Variants in MCCC1 observed in about 807,000 individuals in gnomAD.
MCCC1 encodes methylcrotonyl-CoA carboxylase subunit 1.
A neutral mutation model predicts 83.8 loss-of-function variants in MCCC1; 64 were observed. The ratio of observed to expected loss-of-function variants is 0.76; its 90% CI spans 0.62 to 0.94. The LOEUF (loss-of-function observed/expected upper bound fraction) is 0.94, where lower values mean the gene tolerates loss of function less well. Ranked by LOEUF, MCCC1 falls within the 40% of genes least tolerant of loss-of-function variation. MCCC1 has a pLI of 0.00. For synonymous variants in MCCC1, 322 were observed against 315.4 expected (o/e 1.02, Z -0.22); for missense variants, 807 against 904.7 (o/e 0.89, Z 1.39).
At position 183,017,479 on chromosome 3, in the gene MCCC1, T is replaced by G. The variant is rs1486110858; in HGVS notation, c.1978-142A>C. Reference sequence around the variant, plus strand: ...AACCATGAATATAAACAATAAAACATAAATAAAAAGAAAAAAAACAACACA... The same window carrying G: ...AACCATGAATATAAACAATAAAACAGAAATAAAAAGAAAAAAAACAACACA... On this transcript the variant is annotated intron_variant, in intron 17 of 18. Transcript: ENST00000265594. 4 of 781,454 alleles carry G rather than the reference T, an allele frequency of 5.1e-6. No homozygotes were observed. In the Admixed American group the frequency reaches 6.7e-5, roughly 13 times the overall value. The allele number at this position is 781,454 out of a possible 1,614,324, so 48.4% of individuals were successfully genotyped here. A position where few individuals can be genotyped will look rare whatever the true frequency, so the allele number is the denominator to read the frequency against.
chr3:183,050,093 C>T (rs933502573), intron 9 of MCCC1, among the ~76,000 whole-genome samples: 2 of 151,722 alleles, frequency 1.3e-5, no homozygotes, highest in African/African-American at 4.8e-5. Flanking sequence ...TGGCTCACGC[C>T]TGTAATCCCA....
intron 2 of MCCC1, among the ~76,000 whole-genome samples, chr3:183,094,205 C>A (rs1039045700): frequency 3.9e-5 from 6 of 151,920 alleles, no homozygotes; most frequent in East Asian, 3.9e-4. Context: ...CCCGCCACCA[C>A]GCCCAGCTAA....
intron 7 of MCCC1, among the ~76,000 whole-genome samples, chr3:183,057,800 A>C (rs1263984631): frequency 6.6e-6 from 1 of 152,198 alleles, no homozygotes; most frequent in Non-Finnish European, 1.5e-5. Context: ...TGAGCCCAGA[A>C]GGTTGTGGTT....
intron 7 of MCCC1, among the ~76,000 whole-genome samples, chr3:183,065,306 A>G (rs138884366): frequency 4.6e-5 from 7 of 152,134 alleles, no homozygotes; most frequent in Admixed American, 2.6e-4. Context: ...TCTTTTCACA[A>G]TGGTATACCG....
chr3:183,108,133 G>T (rs1212250697), intron 1 of MCCC1, among the ~76,000 whole-genome samples: 1 of 152,196 alleles, frequency 6.6e-6, no homozygotes, highest in Non-Finnish European at 1.5e-5. Context: ...GGAAGAAAAA[G>T]TGTGTTATGG....
chr3:183,016,238 T>C (rs1466356722), intron 18 of MCCC1: 3 of 150,660 alleles, frequency 2.0e-5, no homozygotes, highest in East Asian at 2.0e-4. Flanking sequence ...TGTTGTTTGT[T>C]TTTTTAAATT....
intron 11 of MCCC1, 101 bp from the exon 12 acceptor site, chr3:183,039,236 A>G (rs2108474326): frequency 9.3e-7 from 1 of 1,077,222 alleles, no homozygotes; most frequent in East Asian, 2.5e-5. Context: ...CTTAATCCTC[A>G]TAAACCCCTG....
chr3:183,074,422 T>A (rs113000467), intron 4 of MCCC1, among the ~76,000 whole-genome samples: 11 of 152,310 alleles, frequency 7.2e-5, no homozygotes, highest in African/African-American at 2.4e-4. Context: ...AGCCACACCC[T>A]CTCCAACATC....
intron 18 of MCCC1, 48 bp downstream of exon 18, chr3:183,017,218 T>A: frequency 6.6e-7 from 1 of 1,518,206 alleles, no homozygotes; most frequent in Non-Finnish European, 9.1e-7. Context: ...CCATTAGGTA[T>A]GATTGCTCCC....
chr3:183,044,931 T>C (rs1409437071), intron 10 of MCCC1, among the ~76,000 whole-genome samples: 1 of 152,048 alleles, frequency 6.6e-6, no homozygotes, highest in Non-Finnish European at 1.5e-5. Context: ...GTTGTCGTTG[T>C]TGTTGAATTA....
chr3:183,017,316 T>G lies in MCCC1; in HGVS notation c.1999A>C (p.Lys667Gln). 1 of 1,613,960 alleles carries G rather than the reference T, an allele frequency of 6.2e-7. No homozygotes were observed. Among genetic ancestry groups the G allele is most frequent in the African/African-American group, 1.3e-5 (1 of 75,066 alleles). Residue 667 changes from lysine (K) to glutamine (Q), a missense_variant, in exon 18 of 19, where the codon AAA (lysine) becomes CAA (glutamine). Lys to Gln is a moderately conservative substitution (Grantham distance 53). Transcript: ENST00000265594. ...IEKVFVKAGD[K>Q]VKAGDSLMVM... ...ATGAGGGAATCTCCCGCTTTCACTT[T>G]GTCTCCAGCTTTGACAAACACCTTG...
intron 4 of MCCC1, among the ~76,000 whole-genome samples, chr3:183,073,109 T>C (rs1716819242): frequency 6.6e-6 from 1 of 151,352 alleles, no homozygotes; most frequent in Non-Finnish European, 1.5e-5. Context: ...CTACACATTG[T>C]GAATACTGCT....
At chr3:183,099,563 T>C (rs1168988934), upstream of MCCC1, 5 of 1,177,104 alleles carry the variant, frequency 4.2e-6, no homozygotes, top group Middle Eastern at 1.9e-4. Context: ...AGCCTGAGCC[T>C]ACCTTTGGGC....
At chr3:183,101,041 G>A (rs1719232209), upstream of MCCC1, among the ~76,000 whole-genome samples, 1 of 152,262 alleles carries the variant, frequency 6.6e-6, no homozygotes, top group African/African-American at 2.4e-5. Context: ...TAGCACCCGG[G>A]CCAGTGGCTG....
chr3:183,016,606 T>A (rs543478725), intron 18 of MCCC1, among the ~76,000 whole-genome samples: 56 of 152,240 alleles, frequency 3.7e-4, no homozygotes, highest in African/African-American at 1.3e-3. Flanking sequence ...TTTTTTCAAA[T>A]CTCCCCAGGT....
rs569218602 is a variant in MCCC1 at position 183,099,336 on chromosome 3, T to C, written c.89+16A>G. 23 of 1,586,162 alleles carry C rather than the reference T, an allele frequency of 1.5e-5. No individual in the cohort carries two copies. The East Asian group carries it at 1.6e-4, about 11-fold the overall frequency. On this transcript the variant is annotated intron_variant, in intron 1 of 18. Coordinates refer to ENST00000265594, the MANE Select transcript of MCCC1 (RefSeq NM_020166.5). ...GCTCCCGCCTCTGCCCACTGAGCCA[T>C]GGCCCCTCCACCCACCTCGGCGGCA...
intron 3 of MCCC1, among the ~76,000 whole-genome samples, chr3:183,087,869 C>CA (rs1223603175): frequency 0.1 from 5,146 of 50,794 alleles, 329 homozygotes; most frequent in East Asian, 0.32. Flanking sequence ...GACTCCTTCT[C>CA]AAAAAAAAAA....
At chr3:183,087,374 G>C (rs1297329248) in intron 3 of MCCC1, among the ~76,000 whole-genome samples, 1 of 152,154 alleles carries the variant, frequency 6.6e-6, no homozygotes, top group Non-Finnish European at 1.5e-5. Context: ...TTTGAGGTGG[G>C]AGCTGCCTGT....
At chr3:183,103,830 A>G (rs1034707786), upstream of MCCC1, among the ~76,000 whole-genome samples, 13 of 152,176 alleles carry the variant, frequency 8.5e-5, no homozygotes, top group Non-Finnish European at 1.8e-4. Context: ...GGGCCGCACA[A>G]GAGCCCACGG....
Sources: gnomAD v4.1 joint callset for allele counts (sites outside exome capture counted in the v4.1 genomes callset) on GRCh38, gnomAD v4.1.1 for gene constraint, MANE v1.5 for transcripts, NCBI Gene and HGNC (gene_info 2026-07-23, HGNC 2026-07-21) for gene names.